Variants in ITIH1 observed in about 807,000 individuals in gnomAD.
ITIH1 encodes inter-alpha-trypsin inhibitor heavy chain H1.
Under a neutral mutation model 104.6 loss-of-function variants are expected in ITIH1, and 94 were observed. The ratio of observed to expected loss-of-function variants is 0.90; its 90% CI spans 0.76 to 1.07. The LOEUF (loss-of-function observed/expected upper bound fraction) is 1.07. Ranked by LOEUF, ITIH1 falls within the 50% of genes least tolerant of loss-of-function variation. The pLI is 0.00. For missense variants in ITIH1, 1,193 were observed against 1,181.4 expected, an observed-to-expected ratio of 1.01 and a Z score of -0.14; for synonymous variants, 455 against 464.4, an observed-to-expected ratio of 0.98 and a Z score of 0.26.
At position 52,780,321 on chromosome 3, in the gene ITIH1, C is replaced by A; in HGVS notation, c.626C>A (p.Ala209Asp). Residue 209 changes from alanine to aspartate, a missense_variant, in exon 6 of 22, where the codon GCC (alanine) becomes GAC (aspartate). Physicochemically the swap from Ala to Asp is moderately radical, Grantham distance 126. Coordinates refer to ENST00000273283, the MANE Select transcript of ITIH1 (RefSeq NM_002215.4). ...PQGISKLDAQ[A>D]SFLPKELAAQ... Reference sequence around the variant, plus strand: ...GGGATCAGCAAGCTGGATGCCCAGGCCTCTTTCCTGCCGAAGGAACTGGCA... The same window carrying A: ...GGGATCAGCAAGCTGGATGCCCAGGACTCTTTCCTGCCGAAGGAACTGGCA... The A allele has an allele frequency of 1.2e-6, 2 of 1,614,128 alleles. No individual in the cohort carries two copies. Among genetic ancestry groups the A allele is most frequent in the South Asian group, 2.2e-5 (2 of 91,054 alleles).
rs760558202 is a variant in ITIH1 at position 52,791,825 on chromosome 3, G to A, written c.2650G>A (p.Glu884Lys). Reference protein sequence around the residue: ...DYSKDPWHGAEVSCWFIHNNG... With the variant: ...DYSKDPWHGAKVSCWFIHNNG... ...CAGCAAGGACCCGTGGCATGGGGCC[G>A]AGGTGTCCTGCTGGTTCATTCACAA... Residue 884 changes from glutamate to lysine, a missense_variant, in exon 22 of 22, where the codon GAG becomes AAG. By Grantham distance (56) the Glu-to-Lys change is moderately conservative. Transcript: ENST00000273283. 37 of 1,614,026 alleles carry A rather than the reference G, an allele frequency of 2.3e-5. No individual in the cohort carries two copies. Among genetic ancestry groups the A allele is most frequent in the Admixed American group, 3.3e-5 (2 of 59,994 alleles).
chr3:52,779,880 A>T lies in ITIH1; in HGVS notation c.573+286A>T, dbSNP rs1437359159. 5.8e-6 allele frequency: 8 copies of T among 1,386,650 alleles called. No individual in the cohort carries two copies. The highest frequency in any genetic ancestry group is 6.5e-6 in the Non-Finnish European group (7 of 1,069,402). The allele number at this position is 1,386,650 out of a possible 1,614,324, so 85.9% of individuals were successfully genotyped here. A position where few individuals can be genotyped will look rare whatever the true frequency, so the allele number is the denominator to read the frequency against. On this transcript the variant is annotated intron_variant, in intron 5 of 21. Coordinates refer to ENST00000273283, the MANE Select transcript of ITIH1 (RefSeq NM_002215.4). The surrounding 1 kb of genome is among the most constrained non-coding windows in gnomAD (Gnocchi z 4.4). ...CACGAGAAGTACTGAATGTCCAGGT[A>T]ATTTTGTAAACTAGAAAGTCCCGCG...
rs769108447 is a variant in ITIH1, at chr3:52,787,096, G to T, written c.1885G>T (p.Glu629Ter). 8 of 1,614,122 alleles carry T rather than the reference G, an allele frequency of 5.0e-6. No homozygotes were observed. Among genetic ancestry groups the T allele is most frequent in the Non-Finnish European group, 5.9e-6 (7 of 1,180,042 alleles). Residue 629 changes from glutamate (E) to a stop codon, truncating the protein, a stop_gained, in exon 14 of 22, where the codon GAG (glutamate) becomes TAG (stop). Coordinates refer to ENST00000273283, the MANE Select transcript of ITIH1 (RefSeq NM_002215.4). LOFTEE classifies it high-confidence loss of function. ...GAAGCCCACCATCGACAAGCCCTCA[G>T]AGGGTATAGGCTGCAGGGGTCTACA... is the stretch of plus-strand genomic sequence containing the variant. ...GLKPTIDKPS[E>*]DSPPLEMLGP...
At position 52,782,898 on chromosome 3, in the gene ITIH1, G is replaced by A; in HGVS notation, c.931-59G>A. ...TGAAATGGGTATTTGGAGTTGGAAG[G>A]TGCTGTCCTGGGGCCACCCTGGGGC... On this transcript the variant is annotated intron_variant, in intron 8 of 21. Transcript: ENST00000273283. 3 of 1,542,384 alleles carry A rather than the reference G, an allele frequency of 1.9e-6. No homozygotes were observed. In the South Asian group the frequency reaches 3.4e-5, roughly 18 times the overall value.
At chr3:52,786,651 C>T (rs1699211466) in intron 13 of ITIH1, among the ~76,000 whole-genome samples, 1 of 152,244 alleles carries the variant, frequency 6.6e-6, no homozygotes, top group African/African-American at 2.4e-5. Flanking sequence ...ACTCAGCACA[C>T]AGAGGCTCAG....
In ITIH1 at chr3:52,785,118, C is replaced by A. The variant is rs1407937756; in HGVS notation, c.1482C>A (p.Ala494=). The A allele has an allele frequency of 6.2e-7, 1 of 1,614,110 alleles. No homozygotes were observed. Among genetic ancestry groups the A allele is most frequent in the Non-Finnish European group, 8.5e-7 (1 of 1,180,000 alleles). Residue 494 remains alanine (A), a synonymous_variant, in exon 12 of 22, where the codon GCC becomes GCA. Coordinates refer to ENST00000273283, the MANE Select transcript of ITIH1 (RefSeq NM_002215.4). ...DLQYPQDAVL[A]LTQNHHKQYY... ...AGTACCCCCAGGATGCTGTCTTGGC[C>A]CTGACCCAGAACCACCATAAACAGT... is the stretch of plus-strand genomic sequence containing the variant.
chr3:52,782,045 G>A lies in ITIH1; in HGVS notation c.793G>A (p.Asp265Asn), dbSNP rs144359824. The A allele has an allele frequency of 1.2e-6, 2 of 1,614,156 alleles. No homozygotes were observed. The highest frequency in any genetic ancestry group is 1.1e-5 in the South Asian group (1 of 91,078). The change falls in exon 7 of 22, where the codon GAC becomes AAC. Residue 265 changes from aspartate to asparagine, a missense_variant. Transcript: ENST00000273283. The stretch of plus-strand genomic sequence containing the variant: ...CAAGGTGACCTACGATGTCAGTCGA[G>A]ACAAGATCTGCGACCTCCTGGTGAG... ...HFKVTYDVSR[D>N]KICDLLVANN...
In ITIH1 at chr3:52,783,060, T is replaced by C; in HGVS notation, c.1034T>C (p.Val345Ala). 1 of 1,614,054 alleles carries C rather than the reference T, an allele frequency of 6.2e-7. No individual in the cohort carries two copies. Among genetic ancestry groups the C allele is most frequent in the Non-Finnish European group, 8.5e-7 (1 of 1,179,998 alleles). ...GTACAATCGTGGAAGGGCTCGCTGG[T>C]GCAAGCATCTGAGGCCAACCTACAA... ...TRVQSWKGSL[V>A]QASEANLQAA... The change falls in exon 9 of 22, where the codon GTG becomes GCG. Residue 345 changes from valine to alanine, a missense_variant. By Grantham distance (64) the Val-to-Ala change is moderately conservative. Transcript: ENST00000273283.
At chr3:52,787,441 G>A (rs979894664) in intron 15 of ITIH1, 151 bp from the exon 16 acceptor site, 3 of 1,005,728 alleles carry the variant, frequency 3.0e-6, no homozygotes, top group South Asian at 1.3e-5. Flanking sequence ...TGGTGTGAGT[G>A]TATGTCTGTG....
In ITIH1 at chr3:52,788,244, C is replaced by T; in HGVS notation, c.2018C>T (p.Pro673Leu). 6.2e-7 allele frequency: 1 copy of T among 1,610,438 alleles called. No individual in the cohort carries two copies. The highest frequency in any genetic ancestry group is 8.5e-7 in the Non-Finnish European group (1 of 1,178,036). Residue 673 changes from proline (P) to leucine (L), a missense_variant, in exon 18 of 22, where the codon CCT becomes CTT. Transcript: ENST00000273283. ...GCTGTGCCCCCAGTGGACACAGACCCTCACTTCATCATCCACGTGCCCCAG... is the reference window on the plus strand; with the variant it reads ...GCTGTGCCCCCAGTGGACACAGACCTTCACTTCATCATCCACGTGCCCCAG... ...PDRVTGVDTD[P>L]HFIIHVPQKE...
chr3:52,790,614 C>T (rs1699327693), intron 19 of ITIH1, 135 bp from the exon 20 acceptor site: 11 of 845,044 alleles, frequency 1.3e-5, no homozygotes, highest in South Asian at 9.2e-5. Flanking sequence ...GAACAGGTAA[C>T]AGCCGGCCAT....
chr3:52,790,571 A>G, intron 19 of ITIH1, 178 bp from the exon 20 acceptor site: 1 of 637,806 alleles, frequency 1.6e-6, no homozygotes, highest in African/African-American at 1.8e-5. Context: ...GGCACATTGC[A>G]AGGGCCCCAA....
Position 52,791,784 on chromosome 3 carries a change from G to T in ITIH1, c.2609G>T (p.Gly870Val). 1.9e-6 allele frequency: 3 copies of T among 1,612,642 alleles called. No homozygotes were observed. Among genetic ancestry groups the T allele is most frequent in the Non-Finnish European group, 2.5e-6 (3 of 1,179,250 alleles). The change falls in exon 22 of 22, where the codon GGT becomes GTT. Residue 870 changes from glycine (G) to valine (V), a missense_variant and splice_region_variant. Gly to Val is a moderately radical substitution (Grantham distance 109, BLOSUM62 -3). Coordinates refer to ENST00000273283, the MANE Select transcript of ITIH1 (RefSeq NM_002215.4). ...CCAGCTGACTTGTCTCTGCACAGGG[G>T]TTTGCAAAAAGACTACAGCAAGGAC... ...VRNRRLTVTR[G>V]LQKDYSKDPW...
chr3:52,782,272 G>C lies in ITIH1; in HGVS notation c.930+5G>C, dbSNP rs769675111. The C allele has an allele frequency of 6.2e-7, 1 of 1,608,960 alleles. No individual in the cohort carries two copies. Among genetic ancestry groups the C allele is most frequent in the Admixed American group, 1.7e-5 (1 of 60,026 alleles). ...AGAGGCCAGAAAGTGAAGCAGGTAG[G>C]CTGCAGCTTGAAACAGCTCACCCAG... On this transcript the variant is annotated splice_donor_5th_base_variant and intron_variant, in intron 8 of 21. Transcript: ENST00000273283.
chr3:52,782,203 T>A lies in ITIH1; in HGVS notation c.866T>A (p.Met289Lys). Residue 289 changes from methionine to lysine, a missense_variant, in exon 8 of 22, where the codon ATG becomes AAG. Transcript: ENST00000273283. ...HFFAPQNLTNMNKNVVFVIDI... is the reference protein window; with the variant it reads ...HFFAPQNLTNKNKNVVFVIDI... Reference sequence around the variant, plus strand: ...TTTGCCCCCCAAAACCTGACAAACATGAACAAGAACGTGGTTTTTGTGATT... The same window carrying A: ...TTTGCCCCCCAAAACCTGACAAACAAGAACAAGAACGTGGTTTTTGTGATT... The A allele has an allele frequency of 6.2e-7, 1 of 1,614,086 alleles. No homozygotes were observed. Among genetic ancestry groups the A allele is most frequent in the Non-Finnish European group, 8.5e-7 (1 of 1,180,020 alleles).
chr3:52,778,308 T>A, intron 2 of ITIH1, 32 bp from the exon 3 acceptor site: 2 of 1,609,172 alleles, frequency 1.2e-6, no homozygotes, highest in Non-Finnish European at 1.7e-6. Flanking sequence ...AGGCCCTGTC[T>A]CAGGCCACAG....
At chr3:52,791,432 C>A in intron 20 of ITIH1, 85 bp from the exon 21 acceptor site, 1 of 1,110,704 alleles carries the variant, frequency 9.0e-7, no homozygotes. Context: ...CAGCAATGCT[C>A]TAACCCCGCA....
In ITIH1 at chr3:52,787,768, TGG is replaced by T. The variant is rs913895576; in HGVS notation, c.1924+160_1924+161del. On this transcript the variant is annotated intron_variant, in intron 16 of 21. Coordinates refer to ENST00000273283, the MANE Select transcript of ITIH1 (RefSeq NM_002215.4). ...CCTGGCCTCCCCAGCCTGAGGTCCCTGGGGGAGGAGACAGAGAGGGGGCCAGC... is the reference window on the plus strand; with the variant it reads ...CCTGGCCTCCCCAGCCTGAGGTCCCTGGGAGGAGACAGAGAGGGGGCCAGC... 3.1e-6 allele frequency: 3 copies of T among 975,438 alleles called. No individual in the cohort carries two copies. The African/African-American group carries it at 4.8e-5, about 16-fold the overall frequency. The allele number at this position is 975,438 out of a possible 1,614,324, so 60.4% of individuals were successfully genotyped here.
rs1303712160 is a variant in ITIH1, at chr3:52,788,044, G to A, written c.1983G>A (p.Arg661=). Residue 661 remains arginine, a synonymous_variant, in exon 17 of 22, where the codon CGG becomes CGA. Transcript: ENST00000273283. ...SPTHSSSNTQ[R]LPDRVTGVDT... is the part of the protein sequence containing the mutation. ...CTCATTCCAGCTCCAATACCCAGCG[G>A]CTGCCAGACCGAGTGACCGGCGGTG... 1.2e-6 allele frequency: 2 copies of A among 1,610,314 alleles called. No homozygotes were observed. Among genetic ancestry groups the A allele is most frequent in the South Asian group, 1.1e-5 (1 of 90,500 alleles).
Sources: allele counts gnomAD v4.1 joint callset (sites outside exome capture counted in the v4.1 genomes callset), GRCh38; gene constraint gnomAD v4.1.1; non-coding constraint Gnocchi (gnomAD v3.1); transcripts MANE v1.5; gene names NCBI Gene and HGNC (gene_info 2026-07-23, HGNC 2026-07-21).